CASTOR2: variants seen among roughly 807,000 people sequenced by gnomAD.
CASTOR2 encodes cytosolic arginine sensor for mTORC1 subunit 2, also known as GATS protein like 2.
Under a neutral mutation model 31.2 loss-of-function variants are expected in CASTOR2, and 8 were observed. The ratio of observed to expected loss-of-function variants is 0.26; its 90% CI spans 0.15 to 0.46. The LOEUF (loss-of-function observed/expected upper bound fraction) is 0.46. Among genes scored for constraint, CASTOR2 ranks in the 20% least tolerant of loss-of-function variants. The pLI is 0.99. For synonymous variants in CASTOR2, 162 were observed against 158.7 expected (o/e 1.02, Z -0.16); for missense variants, 216 against 382.1 (o/e 0.57, Z 3.62).
Position 75,017,992 on chromosome 7 carries a change from G to A in CASTOR2, c.381G>A (p.Val127=). ...LSTYQTDFIL[V]RERDLPFVTH... ...CGGCCTCAACTTCTTGCCCCTAGGT[G>A]CGCGAGCGGGACCTGCCCTTTGTCA... is the stretch of plus-strand genomic sequence containing the variant. The change falls in exon 4 of 9, where the codon GTG becomes GTA. Residue 127 remains valine (V), a splice_region_variant and synonymous_variant. Coordinates refer to ENST00000616305, the MANE Select transcript of CASTOR2 (RefSeq NM_001145064.3). 6.2e-7 allele frequency: 1 copy of A among 1,614,198 alleles called. No homozygotes were observed. The highest frequency in any genetic ancestry group is 1.1e-5 in the South Asian group (1 of 91,086).
At chr7:75,002,750 A>G (rs1452235546) in intron 1 of CASTOR2, among the ~76,000 whole-genome samples, 40 of 152,030 alleles carry the variant, frequency 2.6e-4, no homozygotes, top group African/African-American at 9.6e-4. Context: ...CTTTGTGGGG[A>G]GTGGTGGAGA....
At chr7:75,017,846 T>A (rs1352612630) in intron 3 of CASTOR2, 55 bp downstream of exon 3, 9 of 1,613,174 alleles carry the variant, frequency 5.6e-6, no homozygotes, top group Admixed American at 3.3e-5. Flanking sequence ...TCTGACACAC[T>A]CACTCCCATC....
rs1158456043 is a variant in CASTOR2 at position 74,999,601 on chromosome 7, C to CTTTTTTTTTT, written c.114-8367_114-8358dup. 6.8e-4 allele frequency among the ~76,000 whole-genome samples: 31 copies of CTTTTTTTTTT among 45,782 alleles called. 10 individuals carry two copies. The highest frequency in any genetic ancestry group is 1.5e-3 in the African/African-American group (12 of 7,974). The allele number at this position is 45,782 out of a possible 152,430, so 30.0% of individuals were successfully genotyped here. ...CCCGAAACACTTCTATCACTCACTG[C>CTTTTTTTTTT]TTTTTTTTTTTTTTTTTTTTTTTTT... On this transcript the variant is annotated intron_variant, in intron 1 of 8. Coordinates refer to ENST00000616305, the MANE Select transcript of CASTOR2 (RefSeq NM_001145064.3).
rs913204248 is a variant in CASTOR2, at chr7:75,027,086, C to T, written c.*2387C>T. ...ACACGTGTATGGGCGTGATGGCCTC[C>T]ACCCCGCACCGTCTGCCATACACGC... On this transcript the variant is annotated 3_prime_UTR_variant, in exon 9 of 9. Coordinates refer to ENST00000616305, the MANE Select transcript of CASTOR2 (RefSeq NM_001145064.3). The T allele has an allele frequency of 1.8e-4, 27 of 152,268 alleles. No individual in the cohort carries two copies. The highest frequency in any genetic ancestry group is 5.1e-4 in the African/African-American group (21 of 41,462). 9.4% of individuals were successfully genotyped at this position (152,268 alleles called of 1,614,324 possible).
intron 1 of CASTOR2, among the ~76,000 whole-genome samples, chr7:74,985,717 C>T (rs1354555236): frequency 6.6e-6 from 1 of 151,888 alleles, no homozygotes; most frequent in African/African-American, 2.4e-5. Context: ...CTCAGTGTCC[C>T]GTCTGCAGAG....
intron 2 of CASTOR2, among the ~76,000 whole-genome samples, chr7:75,016,868 A>G (rs1804874415): frequency 3.3e-5 from 5 of 152,206 alleles, no homozygotes; most frequent in Non-Finnish European, 7.3e-5. Flanking sequence ...CTTTGATTCA[A>G]ATCCCATCCT....
intron 1 of CASTOR2, among the ~76,000 whole-genome samples, chr7:74,996,362 A>G (rs1200324966): frequency 1.3e-5 from 2 of 152,126 alleles, no homozygotes; most frequent in African/African-American, 4.8e-5. Flanking sequence ...ACCATGTGAC[A>G]GGACAACAAC....
At position 75,026,021 on chromosome 7, in the gene CASTOR2, G is replaced by A. The variant is rs956220566; in HGVS notation, c.*1322G>A. 4.1e-3 allele frequency among the ~76,000 whole-genome samples: 620 copies of A among 152,234 alleles called. 12 individuals are homozygous for A. The East Asian group carries it at 0.044, about 11-fold the overall frequency. The stretch of plus-strand genomic sequence containing the variant: ...CCAGCTGTAGTTCTATCTGAGCACC[G>A]GAGGGGGTGAGGGAACCCGAGGGCC... On this transcript the variant is annotated 3_prime_UTR_variant, in exon 9 of 9. Coordinates refer to ENST00000616305, the MANE Select transcript of CASTOR2 (RefSeq NM_001145064.3).
At chr7:74,992,207 A>G (rs1238265997) in intron 1 of CASTOR2, among the ~76,000 whole-genome samples, 1 of 152,086 alleles carries the variant, frequency 6.6e-6, no homozygotes, top group Non-Finnish European at 1.5e-5. Flanking sequence ...GTCTCGTGCA[A>G]AGTGTGACCT....
chr7:75,012,017 A>C (rs1804762049), intron 2 of CASTOR2, among the ~76,000 whole-genome samples: 1 of 152,050 alleles, frequency 6.6e-6, no homozygotes, highest in South Asian at 2.1e-4. Flanking sequence ...TACAAGCGAG[A>C]AAGCAAGCAG....
At chr7:75,016,670 C>G (rs1376189764) in intron 2 of CASTOR2, among the ~76,000 whole-genome samples, 1 of 152,220 alleles carries the variant, frequency 6.6e-6, no homozygotes, top group Non-Finnish European at 1.5e-5. Context: ...ATGGCAGCAT[C>G]AGACCCACAA....
rs1160073672 is a variant in CASTOR2, at chr7:75,024,858, G to A, written c.*159G>A. ...CTCGATTGCCAATCCCTCCAGGGCA[G>A]GGGCCCACGCCAAGGCCTCTCCATG... On this transcript the variant is annotated 3_prime_UTR_variant, in exon 9 of 9. Coordinates refer to ENST00000616305, the MANE Select transcript of CASTOR2 (RefSeq NM_001145064.3). 2.0e-6 allele frequency: 3 copies of A among 1,530,540 alleles called. No individual in the cohort carries two copies. Among genetic ancestry groups the A allele is most frequent in the African/African-American group, 1.4e-5 (1 of 72,678 alleles). 94.8% of individuals were successfully genotyped at this position (1,530,540 alleles called of 1,614,324 possible).
At chr7:74,972,045 C>T (rs1803688274) in intron 1 of CASTOR2, among the ~76,000 whole-genome samples, 1 of 150,410 alleles carries the variant, frequency 6.6e-6, no homozygotes, top group African/African-American at 2.4e-5. Context: ...GTGGCACCAT[C>T]ATAGCTCACT....
At position 75,027,862 on chromosome 7, in the gene CASTOR2, C is replaced by T; in HGVS notation, c.*3163C>T. 1 of 768,542 alleles carries T rather than the reference C, an allele frequency of 1.3e-6. No homozygotes were observed. Among genetic ancestry groups the T allele is most frequent in the Non-Finnish European group, 2.2e-6 (1 of 457,726 alleles). The allele number at this position is 768,542 out of a possible 1,614,324, so 47.6% of individuals were successfully genotyped here. A position where few individuals can be genotyped will look rare whatever the true frequency, so the allele number is the denominator to read the frequency against. ...GGGGTGGGGTGTGAGTGTGGTTTTT[C>T]CCAGGCAGGGGCCGTCTGCCCTTGT... is the stretch of plus-strand genomic sequence containing the variant. On this transcript the variant is annotated 3_prime_UTR_variant, in exon 9 of 9. Coordinates refer to ENST00000616305, the MANE Select transcript of CASTOR2 (RefSeq NM_001145064.3).
intron 1 of CASTOR2, among the ~76,000 whole-genome samples, chr7:74,988,020 T>A (rs1322400762): frequency 3.0e-4 from 46 of 151,584 alleles, no homozygotes; most frequent in Non-Finnish European, 5.6e-4. Context: ...TTTTTTTTTT[T>A]AATAATATTT....
chr7:75,004,774 C>G (rs1439768411), intron 1 of CASTOR2, among the ~76,000 whole-genome samples: 2 of 151,728 alleles, frequency 1.3e-5, no homozygotes, highest in Admixed American at 6.6e-5. Context: ...TCAAGTTTAT[C>G]AAGGTATGAC....
Position 75,028,105 on chromosome 7 carries a change from T to G in CASTOR2, c.*3406T>G. On this transcript the variant is annotated 3_prime_UTR_variant, in exon 9 of 9. Transcript: ENST00000616305. Reference sequence around the variant, plus strand: ...CTGGCGGGGGAGGAAGAGGGCTCTCTATGATGTGGAATTTTTTTTTTTTTT... The same window carrying G: ...CTGGCGGGGGAGGAAGAGGGCTCTCGATGATGTGGAATTTTTTTTTTTTTT... The G allele has an allele frequency of 6.7e-7, 1 of 1,492,434 alleles. No homozygotes were observed. Among genetic ancestry groups the G allele is most frequent in the East Asian group, 2.5e-5 (1 of 40,668 alleles). The allele number at this position is 1,492,434 out of a possible 1,614,324, so 92.4% of individuals were successfully genotyped here. A position where few individuals can be genotyped will look rare whatever the true frequency, so the allele number is the denominator to read the frequency against.
chr7:75,007,588 G>A (rs1804635203), intron 1 of CASTOR2, among the ~76,000 whole-genome samples: 1 of 152,114 alleles, frequency 6.6e-6, no homozygotes, highest in African/African-American at 2.4e-5. Context: ...CAATGGGAGG[G>A]GAGATGGGAA....
chr7:75,020,486 C>T (rs879237220), intron 6 of CASTOR2, among the ~76,000 whole-genome samples: 71,594 of 144,632 alleles, frequency 0.5, 21,199 homozygotes, highest in East Asian at 0.86. Context: ...CCGCCTCAGG[C>T]GTGATTTTTT....
Sources: allele counts gnomAD v4.1 joint callset (sites outside exome capture counted in the v4.1 genomes callset), GRCh38; gene constraint gnomAD v4.1.1; transcripts MANE v1.5; gene names NCBI Gene and HGNC (gene_info 2026-07-23, HGNC 2026-07-21).